The following KIAA1958 variants were observed in gnomAD, a reference collection of about 807,000 sequenced individuals.
KIAA1958 encodes uncharacterized protein KIAA1958.
A neutral mutation model predicts 47.2 loss-of-function variants in KIAA1958; 14 were observed. That is an observed-to-expected ratio of 0.30 (90% CI 0.20 to 0.46). The LOEUF (loss-of-function observed/expected upper bound fraction) is 0.46. Ranked by LOEUF, KIAA1958 falls within the 20% of genes least tolerant of loss-of-function variation. The pLI is 1.00. For synonymous variants in KIAA1958, 354 were observed against 353.3 expected, an observed-to-expected ratio of 1.00 and a Z score of -0.02; for missense variants, 803 against 909.2, an observed-to-expected ratio of 0.88 and a Z score of 1.50.
At chr9:112,570,885 A>G (rs1406686725) in intron 1 of KIAA1958, among the ~76,000 whole-genome samples, 1 of 152,186 alleles carries the variant, frequency 6.6e-6, no homozygotes, top group Non-Finnish European at 1.5e-5. Flanking sequence ...CAGGGAAGCT[A>G]ATGATGTGAC....
In KIAA1958 at chr9:112,662,807, T is replaced by A. The variant is rs1837300766; in HGVS notation, c.*2738T>A. 1 of 152,078 alleles carries A rather than the reference T, an allele frequency of 6.6e-6. No individual in the cohort carries two copies. The highest frequency in any genetic ancestry group is 1.5e-5 in the Non-Finnish European group (1 of 68,110). The allele number at this position is 152,078 out of a possible 1,614,324, so 9.4% of individuals were successfully genotyped here. A position where few individuals can be genotyped will look rare whatever the true frequency, so the allele number is the denominator to read the frequency against. On this transcript the variant is annotated 3_prime_UTR_variant, in exon 4 of 4. Transcript: ENST00000337530. Reference sequence around the variant, plus strand: ...ACTCCATCTCAAAAAAAATAAAAAATAAAATGGCGAAGCACCTGTCCATGT... The same window carrying A: ...ACTCCATCTCAAAAAAAATAAAAAAAAAAATGGCGAAGCACCTGTCCATGT...
intron 2 of KIAA1958, among the ~76,000 whole-genome samples, chr9:112,577,885 G>A (rs1835676380): frequency 6.6e-6 from 1 of 151,916 alleles, no homozygotes; most frequent in South Asian, 2.1e-4. Flanking sequence ...AAGCTGGCAT[G>A]GCCAAAGAGA....
In KIAA1958 at chr9:112,487,909, C is replaced by T. The variant is rs543780631; in HGVS notation, c.-25+791C>T. 1.7e-3 allele frequency among the ~76,000 whole-genome samples: 251 copies of T among 147,736 alleles called. 1 individual carries two copies. The highest frequency in any genetic ancestry group is 2.9e-3 in the Non-Finnish European group (196 of 67,124). ...GGGACTTTAAAAAAAATGAACGTGGCTGTGATTTTTACAATTATATGTATT... is the reference window on the plus strand; with the variant it reads ...GGGACTTTAAAAAAAATGAACGTGGTTGTGATTTTTACAATTATATGTATT... On this transcript the variant is annotated intron_variant, in intron 1 of 3. Coordinates refer to ENST00000337530, the MANE Select transcript of KIAA1958 (RefSeq NM_133465.4).
intron 2 of KIAA1958, among the ~76,000 whole-genome samples, chr9:112,632,490 G>A (rs998000277): frequency 2.6e-5 from 4 of 152,024 alleles, no homozygotes; most frequent in African/African-American, 9.7e-5. Flanking sequence ...ATTCAGTATT[G>A]GCTGAGAATG....
chr9:112,533,608 A>G (rs1834805017), intron 1 of KIAA1958, among the ~76,000 whole-genome samples: 1 of 137,362 alleles, frequency 7.3e-6, no homozygotes, highest in Admixed American at 7.4e-5. Flanking sequence ...AAAAAAAAGA[A>G]AAGAGGTTTA....
chr9:112,616,472 T>G lies in KIAA1958; in HGVS notation c.1172-29178T>G, dbSNP rs73656438. Among the ~76,000 whole-genome samples the G allele has an allele frequency of 8.5e-3, 1,289 of 152,338 alleles. 15 individuals carry two copies. Among genetic ancestry groups the G allele is most frequent in the African/African-American group, 0.024 (1,017 of 41,578 alleles). ...AAATTTTATCATTGGATGTGGTAATTAGAAAGACTTCCGCTAAGCAGTCTT... is the reference window on the plus strand; with the variant it reads ...AAATTTTATCATTGGATGTGGTAATGAGAAAGACTTCCGCTAAGCAGTCTT... On this transcript the variant is annotated intron_variant, in intron 2 of 3. Transcript: ENST00000337530.
intron 3 of KIAA1958, among the ~76,000 whole-genome samples, chr9:112,658,768 G>A (rs1247467434): frequency 6.6e-6 from 1 of 151,676 alleles, no homozygotes; most frequent in Non-Finnish European, 1.5e-5. Flanking sequence ...GACCATCCTG[G>A]CTAACACTGT....
intron 2 of KIAA1958, among the ~76,000 whole-genome samples, chr9:112,599,843 T>TC (rs1200208863): frequency 6.6e-6 from 1 of 152,192 alleles, no homozygotes; most frequent in African/African-American, 2.4e-5. Context: ...TTCAGACATA[T>TC]CAGAAGAAGG....
intron 1 of KIAA1958, among the ~76,000 whole-genome samples, chr9:112,567,539 C>T (rs1023565811): frequency 1.3e-5 from 2 of 152,174 alleles, no homozygotes; most frequent in African/African-American, 4.8e-5. Context: ...TTTCCCAAAA[C>T]CCCACCCAGT....
chr9:112,560,137 A>G (rs1835301552), intron 1 of KIAA1958, among the ~76,000 whole-genome samples: 1 of 151,340 alleles, frequency 6.6e-6, no homozygotes, highest in African/African-American at 2.4e-5. Context: ...GGCCTCAAGC[A>G]ATCCTTCTGC....
intron 1 of KIAA1958, among the ~76,000 whole-genome samples, chr9:112,561,810 G>A (rs954697899): frequency 1.8e-4 from 27 of 152,170 alleles, no homozygotes; most frequent in African/African-American, 5.3e-4. Flanking sequence ...AGCCGAGATC[G>A]TGCCATTGCA....
At position 112,660,263 on chromosome 9, in the gene KIAA1958, G is replaced by T. The variant is rs181815067; in HGVS notation, c.*194G>T. 3.4e-6 allele frequency: 2 copies of T among 587,238 alleles called. No homozygotes were observed. The allele number at this position is 587,238 out of a possible 1,614,324, so 36.4% of individuals were successfully genotyped here. A position where few individuals can be genotyped will look rare whatever the true frequency, so the allele number is the denominator to read the frequency against. On this transcript the variant is annotated 3_prime_UTR_variant, in exon 4 of 4. Coordinates refer to ENST00000337530, the MANE Select transcript of KIAA1958 (RefSeq NM_133465.4). ...GAAACTAGATGAGTCTAAATCATTC[G>T]GATGGTTTATCCAAATGTGCGTCAA...
intron 3 of KIAA1958, among the ~76,000 whole-genome samples, chr9:112,658,710 A>G (rs1446318105): frequency 6.6e-6 from 1 of 152,174 alleles, no homozygotes; most frequent in Non-Finnish European, 1.5e-5. Flanking sequence ...CTGTAATCCC[A>G]GCACTTTGGG....
At chr9:112,653,892 T>G (rs931642552) in intron 3 of KIAA1958, among the ~76,000 whole-genome samples, 3 of 152,088 alleles carry the variant, frequency 2.0e-5, no homozygotes, top group Non-Finnish European at 4.4e-5. Context: ...AGAGTGAGAC[T>G]CTGTCTTAAA....
chr9:112,617,856 C>G (rs990188655), intron 2 of KIAA1958: 8 of 1,537,230 alleles, frequency 5.2e-6, no homozygotes, highest in African/African-American at 1.4e-5. Context: ...TCCCTCCCCC[C>G]CCAATTTGTT....
At chr9:112,569,724 G>A (rs1321335941) in intron 1 of KIAA1958, among the ~76,000 whole-genome samples, 1 of 151,594 alleles carries the variant, frequency 6.6e-6, no homozygotes, top group Non-Finnish European at 1.5e-5. Flanking sequence ...GGGTTCAAAT[G>A]ATTTTCCCGC....
chr9:112,616,829 A>T (rs1380518241), intron 2 of KIAA1958, among the ~76,000 whole-genome samples: 2 of 152,224 alleles, frequency 1.3e-5, no homozygotes, highest in East Asian at 3.8e-4. Flanking sequence ...CTATTATTTT[A>T]AAATTGGTGA....
rs751548515 is a variant in KIAA1958, at chr9:112,659,682, C to A, written c.1764C>A (p.Asp588Glu). 4.3e-6 allele frequency: 7 copies of A among 1,614,158 alleles called. No homozygotes were observed. The Admixed American group carries it at 5.0e-5, about 12-fold the overall frequency. The change falls in exon 4 of 4, where the codon GAC becomes GAA. Residue 588 changes from aspartate (D) to glutamate (E), a missense_variant. Asp to Glu is a conservative substitution (Grantham distance 45, BLOSUM62 2). Around this residue, in one of 2 missense-constraint regions of KIAA1958, gnomAD observed 761 missense variants for 829.3 expected, o/e 0.92. Transcript: ENST00000337530. ...ATGGTGACATCGAGCTGCTCAAAGA[C>A]CCCCAAAACCAGCCCTACTTTGCCC... ...LMYGDIELLKDPQNQPYFART... is the reference protein window; with the variant it reads ...LMYGDIELLKEPQNQPYFART...
intron 1 of KIAA1958, among the ~76,000 whole-genome samples, chr9:112,537,267 G>A (rs889215627): frequency 2.0e-5 from 3 of 151,958 alleles, no homozygotes; most frequent in Admixed American, 6.6e-5. Context: ...CACCACACCC[G>A]ATTAATTTTT....
Sources: allele counts gnomAD v4.1 joint callset (sites outside exome capture counted in the v4.1 genomes callset), GRCh38; gene constraint gnomAD v4.1.1; regional missense constraint gnomAD v4.1.1; transcripts MANE v1.5; gene names NCBI Gene and HGNC (gene_info 2026-07-23, HGNC 2026-07-21).